Variants in FAN1 observed in about 807,000 individuals in gnomAD.
FAN1 encodes FANCD2 and FANCI associated nuclease 1, also known as fanconi-associated nuclease 1.
A neutral mutation model predicts 104.9 loss-of-function variants in FAN1; 91 were observed. The observed-to-expected ratio is 0.87, with a 90% CI of 0.73 to 1.03. The LOEUF (loss-of-function observed/expected upper bound fraction) is 1.03. Among genes scored for constraint, FAN1 ranks in the 50% least tolerant of loss-of-function variants. The pLI is 0.00. For missense variants in FAN1, 1,263 were observed against 1,239.9 expected (o/e 1.02, Z -0.28); for synonymous variants, 478 against 457.6 (o/e 1.04, Z -0.57).
In FAN1 at chr15:30,937,192, T is replaced by TG. The variant is rs771038455; in HGVS notation, c.2995dup (p.Ala999GlyfsTer2). 1 of 1,614,112 alleles carries TG rather than the reference T, an allele frequency of 6.2e-7. No individual in the cohort carries two copies. Reference sequence around the variant, plus strand: ...ATCTGGCTGGCTGAACTGCAGAAGCTGGGGGCTGAAGTAGAAGTCTGCCAT... The same window carrying TG: ...ATCTGGCTGGCTGAACTGCAGAAGCTGGGGGGCTGAAGTAGAAGTCTGCCAT... On this transcript the variant is annotated frameshift_variant, in exon 14 of 15. Transcript: ENST00000362065. LOFTEE classifies it high-confidence loss of function.
chr15:30,942,072 TC>T lies in FAN1; in HGVS notation c.*511del. 1 of 1,612,072 alleles carries T rather than the reference TC, an allele frequency of 6.2e-7. No homozygotes were observed. Among genetic ancestry groups the T allele is most frequent in the Non-Finnish European group, 8.5e-7 (1 of 1,178,774 alleles). On this transcript the variant is annotated 3_prime_UTR_variant, in exon 15 of 15. Transcript: ENST00000362065. Reference sequence around the variant, plus strand: ...CCTCTTAGTGTGGAGCTGTAGCTTTTCTATACAGAAGAGATTTTATTATGTT... The same window carrying T: ...CCTCTTAGTGTGGAGCTGTAGCTTTTTATACAGAAGAGATTTTATTATGTT...
chr15:30,926,455 T>C, intron 10 of FAN1: 2 of 210,180 alleles, frequency 9.5e-6, no homozygotes, highest in African/African-American at 2.4e-5. Context: ...TTTTCAGATG[T>C]GTGAAAATCA....
chr15:30,936,939 A>G (rs1489279377), intron 13 of FAN1, among the ~76,000 whole-genome samples, 180 bp from the exon 14 acceptor site: 2 of 152,216 alleles, frequency 1.3e-5, no homozygotes, highest in Non-Finnish European at 2.9e-5. Context: ...TTTTAAGTCA[A>G]AAAATCCTAA....
Position 30,904,347 on chromosome 15 carries a change from A to G in FAN1, c.-152-165A>G, listed in dbSNP as rs73381337. Among the ~76,000 whole-genome samples the G allele has an allele frequency of 0.035, 5,382 of 152,220 alleles. 312 individuals are homozygous for G. The highest frequency in any genetic ancestry group is 0.12 in the African/African-American group (5,102 of 41,506). ...GCTCTGTCATTTTATAGTAAGGGAC[A>G]CTAAGATCGCGTACAGAGCTTGTCG... On this transcript the variant is annotated intron_variant, in intron 1 of 14. Coordinates refer to ENST00000362065, the MANE Select transcript of FAN1 (RefSeq NM_014967.5).
Position 30,904,588 on chromosome 15 carries a change from A to G in FAN1, c.-76A>G, listed in dbSNP as rs1028765504. 1 of 1,443,286 alleles carries G rather than the reference A, an allele frequency of 6.9e-7. No individual in the cohort carries two copies. Among genetic ancestry groups the G allele is most frequent in the African/African-American group, 1.4e-5 (1 of 71,576 alleles). 89.4% of individuals were successfully genotyped at this position (1,443,286 alleles called of 1,614,324 possible). On this transcript the variant is annotated 5_prime_UTR_variant, in exon 2 of 15. Transcript: ENST00000362065. The stretch of plus-strand genomic sequence containing the variant: ...TTGGTGATTTCAAGTCAAGAAAGTA[A>G]AAGTAAACCATTGCTATCTTTCACC...
chr15:30,939,684 A>C (rs2062973746), intron 14 of FAN1: 11 of 958,166 alleles, frequency 1.1e-5, no homozygotes, highest in Non-Finnish European at 1.4e-5. Context: ...AGAAAATTAC[A>C]GAGGGAAAAA....
intron 11 of FAN1, 54 bp downstream of exon 11, chr15:30,928,710 C>CA (rs1431554562): frequency 2.6e-5 from 42 of 1,610,390 alleles, no homozygotes; most frequent in Middle Eastern, 3.6e-4. Context: ...ATCCGTGGCT[C>CA]ACGCCCACCT....
chr15:30,942,467 A>G lies in FAN1; in HGVS notation c.*905A>G. 1 of 262,194 alleles carries G rather than the reference A, an allele frequency of 3.8e-6. No individual in the cohort carries two copies. Among genetic ancestry groups the G allele is most frequent in the Non-Finnish European group, 7.2e-6 (1 of 139,576 alleles). The allele number at this position is 262,194 out of a possible 1,614,324, so 16.2% of individuals were successfully genotyped here. Reference sequence around the variant, plus strand: ...GTTCTGTACCTTTCAGTAGTCTGCAAATTTTCTACCAAAAAAAATCCCAAG... The same window carrying G: ...GTTCTGTACCTTTCAGTAGTCTGCAGATTTTCTACCAAAAAAAATCCCAAG... On this transcript the variant is annotated 3_prime_UTR_variant, in exon 15 of 15. Transcript: ENST00000362065.
chr15:30,942,238 G>T lies in FAN1; in HGVS notation c.*676G>T. ...TCCTTATTCTAATCCTCCTCCCCTG[G>T]AATTACACTTTTTTATGTGTTGACT... On this transcript the variant is annotated 3_prime_UTR_variant, in exon 15 of 15. Transcript: ENST00000362065. The T allele has an allele frequency of 2.3e-6, 2 of 869,342 alleles. No homozygotes were observed. The highest frequency in any genetic ancestry group is 2.5e-5 in the East Asian group (1 of 40,140). The allele number at this position is 869,342 out of a possible 1,614,324, so 53.9% of individuals were successfully genotyped here.
chr15:30,908,317 CAGAATG>C, intron 3 of FAN1, 59 bp downstream of exon 3: 1 of 1,433,598 alleles, frequency 7.0e-7, no homozygotes, highest in Non-Finnish European at 9.4e-7. Flanking sequence ...TGAGCTTCTG[CAGAATG>C]ATGGCAGTAT....
rs958506136 is a variant in FAN1, at chr15:30,904,880, G to T, written c.217G>T (p.Asp73Tyr). The T allele has an allele frequency of 3.1e-5, 50 of 1,613,668 alleles. No individual in the cohort carries two copies. Among genetic ancestry groups the T allele is most frequent in the Non-Finnish European group, 4.2e-5 (49 of 1,179,766 alleles). ...TGCTAACAATGACTTCGTTCAAGTG[G>T]ATCCAGGGCAGGTTGGCTTAATAAA... ...MCANNDFVQVDPGQVGLINSN... is the reference protein window; with the variant it reads ...MCANNDFVQVYPGQVGLINSN... The change falls in exon 2 of 15, where the codon GAT (aspartate) becomes TAT (tyrosine). Residue 73 changes from aspartate (D) to tyrosine (Y), a missense_variant. Transcript: ENST00000362065.
At chr15:30,915,847 C>T (rs4779796) in intron 5 of FAN1, among the ~76,000 whole-genome samples, 28,956 of 151,856 alleles carry the variant, frequency 0.19, 2,994 homozygotes, top group African/African-American at 0.28. Context: ...AAAAAAAACA[C>T]CTTTGGTAAG....
At chr15:30,912,772 G>A (rs531770976) in intron 4 of FAN1, among the ~76,000 whole-genome samples, 1 of 152,340 alleles carries the variant, frequency 6.6e-6, no homozygotes, top group Non-Finnish European at 1.5e-5. Context: ...GGCATCTAGT[G>A]ACTAGAGGCC....
intron 13 of FAN1, among the ~76,000 whole-genome samples, chr15:30,935,868 G>C (rs1371242222): frequency 6.6e-6 from 1 of 151,936 alleles, no homozygotes; most frequent in Non-Finnish European, 1.5e-5. Flanking sequence ...AAAAATTCTG[G>C]CTGCTTTGAC....
In FAN1 at chr15:30,910,787, C is replaced by T; in HGVS notation, c.1549C>T (p.Pro517Ser). The T allele has an allele frequency of 6.2e-7, 1 of 1,613,826 alleles. No individual in the cohort carries two copies. The highest frequency in any genetic ancestry group is 1.7e-5 in the Admixed American group (1 of 59,984). ...RSVCTWGKNKPGIGAVILKRA... is the reference protein window; with the variant it reads ...RSVCTWGKNKSGIGAVILKRA... ...AGTCTGCACTTGGGGCAAGAATAAG[C>T]CTGGAATTGGTGCAGTGATTTTAAA... Residue 517 changes from proline (P) to serine (S), a missense_variant, in exon 4 of 15, where the codon CCT becomes TCT. Physicochemically the swap from Pro to Ser is moderately conservative, Grantham distance 74. This residue lies in a region of FAN1 where 581 missense variants were observed against 668.8 expected (regional missense o/e 0.87). Transcript: ENST00000362065.
At chr15:30,911,266 C>T in intron 4 of FAN1, 1 of 988,254 alleles carries the variant, frequency 1.0e-6, no homozygotes, top group Non-Finnish European at 1.2e-6. Flanking sequence ...TTGAGAAGCC[C>T]TTGACCTGTT....
At chr15:30,919,209 C>T (rs1456260192) in intron 6 of FAN1, among the ~76,000 whole-genome samples, 9 of 151,562 alleles carry the variant, frequency 5.9e-5, no homozygotes, top group African/African-American at 1.9e-4. Flanking sequence ...GGAGAAACCT[C>T]GTCTCTACTA....
chr15:30,929,914 TATA>T (rs1368237279), intron 12 of FAN1, among the ~76,000 whole-genome samples: 1 of 66,382 alleles, frequency 1.5e-5, no homozygotes, highest in Non-Finnish European at 2.5e-5. Flanking sequence ...AAATATATAA[TATA>T]TATCATATAT....
rs56364319 is a variant in FAN1, at chr15:30,926,815, C to T, written c.2488+876C>T. ...TTGAGCCATGAGCCTGAAAAACACA[C>T]GATTCCTTTCCCAGAGTAGAAACTA... On this transcript the variant is annotated intron_variant, in intron 10 of 14. Transcript: ENST00000362065. 8.3e-3 allele frequency: 8,212 copies of T among 985,338 alleles called. 522 individuals carry two copies. In the African/African-American group the frequency reaches 0.13, roughly 16 times the overall value. 61.0% of individuals were successfully genotyped at this position (985,338 alleles called of 1,614,324 possible). A position where few individuals can be genotyped will look rare whatever the true frequency, so the allele number is the denominator to read the frequency against.
Sources: gnomAD v4.1 joint callset for allele counts (sites outside exome capture counted in the v4.1 genomes callset) on GRCh38, gnomAD v4.1.1 for gene constraint, gnomAD v4.1.1 regional missense constraint, MANE v1.5 for transcripts, NCBI Gene and HGNC (gene_info 2026-07-23, HGNC 2026-07-21) for gene names.